The following ANKUB1 variants were observed in gnomAD, a reference collection of about 807,000 sequenced individuals.
The protein encoded by ANKUB1 is protein ANKUB1.
ANKUB1 carries 42 observed loss-of-function variants against 49.3 expected under a neutral mutation model. The ratio of observed to expected loss-of-function variants is 0.85; its 90% confidence interval spans 0.67 to 1.10. The LOEUF (loss-of-function observed/expected upper bound fraction) is 1.10. ANKUB1 is among the 50% of genes least tolerant of loss of function. ANKUB1 has a pLI of 0.00. For synonymous variants in ANKUB1, 222 were observed against 231.0 expected (o/e 0.96, Z 0.35); for missense variants, 613 against 642.0 (o/e 0.95, Z 0.49).
At chr3:149,766,120 T>C (rs544910959) in intron 5 of ANKUB1, among the ~76,000 whole-genome samples, 1 of 152,362 alleles carries the variant, frequency 6.6e-6, no homozygotes, top group South Asian at 2.1e-4. Context: ...TCATAAGTAA[T>C]GGATGGGATC....
In ANKUB1 at chr3:149,761,316, G is replaced by A; in HGVS notation, c.*168C>T. 5.4e-6 allele frequency: 4 copies of A among 742,022 alleles called. No individual in the cohort carries two copies. The highest frequency in any genetic ancestry group is 2.8e-5 in the South Asian group (1 of 35,232). The allele number at this position is 742,022 out of a possible 1,614,324, so 46.0% of individuals were successfully genotyped here. A position where few individuals can be genotyped will look rare whatever the true frequency, so the allele number is the denominator to read the frequency against. On this transcript the variant is annotated 3_prime_UTR_variant, in exon 6 of 6. Coordinates refer to ENST00000446160, the MANE Select transcript of ANKUB1 (RefSeq NM_001144960.3). The stretch of plus-strand genomic sequence containing the variant: ...AAATAGCACTAAAGTTTCACTTAGT[G>A]TGATGAAGTCTGAGAAAACATGGTG...
At chr3:149,791,751 T>C (rs1718368992) in intron 1 of ANKUB1, among the ~76,000 whole-genome samples, 1 of 152,246 alleles carries the variant, frequency 6.6e-6, no homozygotes, top group African/African-American at 2.4e-5. Flanking sequence ...CCCAAGTTAT[T>C]TCTTATTCTG....
intron 3 of ANKUB1, among the ~76,000 whole-genome samples, chr3:149,774,241 G>A (rs1219240073): frequency 6.6e-6 from 1 of 152,044 alleles, no homozygotes; most frequent in Non-Finnish European, 1.5e-5. Flanking sequence ...TCAGAGCCTC[G>A]ATGTCAACAT....
At chr3:149,765,474 C>T (rs1366816318) in intron 5 of ANKUB1, among the ~76,000 whole-genome samples, 1 of 151,978 alleles carries the variant, frequency 6.6e-6, no homozygotes, top group Non-Finnish European at 1.5e-5. Context: ...TAACTCATTT[C>T]CTCCCCAAGA....
chr3:149,775,464 GT>G (rs1247686706), intron 3 of ANKUB1, among the ~76,000 whole-genome samples: 1 of 152,038 alleles, frequency 6.6e-6, no homozygotes, highest in African/African-American at 2.4e-5. Context: ...CTGAACTTCA[GT>G]TTTCTCATCA....
chr3:149,781,963 A>G (rs1488333327), intron 2 of ANKUB1, among the ~76,000 whole-genome samples: 1 of 152,038 alleles, frequency 6.6e-6, no homozygotes, highest in Non-Finnish European at 1.5e-5. Flanking sequence ...CATAGGATTG[A>G]CTCTTTCACT....
At chr3:149,765,115 G>A (rs1377308683) in intron 5 of ANKUB1, among the ~76,000 whole-genome samples, 2 of 152,120 alleles carry the variant, frequency 1.3e-5, no homozygotes, top group African/African-American at 4.8e-5. Flanking sequence ...ATGGAATACT[G>A]CATACAAATG....
At chr3:149,775,342 C>G (rs1453916623) in intron 3 of ANKUB1, among the ~76,000 whole-genome samples, 1 of 152,222 alleles carries the variant, frequency 6.6e-6, no homozygotes, top group South Asian at 2.1e-4. Flanking sequence ...ACTTAAAGGC[C>G]ATCAATAAAA....
intron 3 of ANKUB1, among the ~76,000 whole-genome samples, chr3:149,774,390 A>G (rs1462233441): frequency 2.0e-5 from 3 of 152,186 alleles, no homozygotes; most frequent in African/African-American, 7.2e-5. Flanking sequence ...ACCGACTGAC[A>G]GCTGCAGACT....
chr3:149,767,199 T>G lies in ANKUB1; in HGVS notation c.1463A>C (p.Lys488Thr). Residue 488 changes from lysine to threonine, a missense_variant, in exon 5 of 6, where the codon AAG becomes ACG. Coordinates refer to ENST00000446160, the MANE Select transcript of ANKUB1 (RefSeq NM_001144960.3). ...GTAGATTGCGTTCTCCCATGGAGTC[T>G]TCCCACTGTGCTCTAAGAAAGATGA... Reference protein sequence around the residue: ...SFSSFLEHSGKTPWENAIYCL... With the variant: ...SFSSFLEHSGTTPWENAIYCL... 2 of 1,547,810 alleles carry G rather than the reference T, an allele frequency of 1.3e-6. No homozygotes were observed. Among genetic ancestry groups the G allele is most frequent in the Non-Finnish European group, 1.7e-6 (2 of 1,145,894 alleles).
At chr3:149,764,968 A>G (rs1051432897) in intron 5 of ANKUB1, among the ~76,000 whole-genome samples, 1 of 152,210 alleles carries the variant, frequency 6.6e-6, no homozygotes, top group African/African-American at 2.4e-5. Context: ...TCCTTGGTAT[A>G]GAGTCAAGAG....
Position 149,761,525 on chromosome 3 carries a change from C to T in ANKUB1, c.1594G>A (p.Gly532Ser). The T allele has an allele frequency of 6.4e-7, 1 of 1,551,432 alleles. No homozygotes were observed. The highest frequency in any genetic ancestry group is 1.2e-5 in the South Asian group (1 of 84,048). The change falls in exon 6 of 6, where the codon GGT becomes AGT. Residue 532 changes from glycine to serine, a missense_variant. Transcript: ENST00000446160. Reference protein sequence around the residue: ...KSISNLTTRGGLTACENSLET... With the variant: ...KSISNLTTRGSLTACENSLET... ...AGAGAGTTTTCACACGCTGTCAGAC[C>T]TCCTCGGGTAGTCAAGTTAGAAATG...
chr3:149,767,729 C>T lies in ANKUB1; in HGVS notation c.933G>A (p.Arg311=). 1.3e-6 allele frequency: 2 copies of T among 1,551,574 alleles called. No individual in the cohort carries two copies. The highest frequency in any genetic ancestry group is 4.9e-5 in the East Asian group (2 of 40,914). ...VSFPKISVPM[R]IYIKIKQWIL... is the part of the protein sequence containing the mutation. ...TCCATTGTTTTATTTTAATATAAATCCTCATTGGGACTGAAATTTTTGGAA... is the reference window on the plus strand; with the variant it reads ...TCCATTGTTTTATTTTAATATAAATTCTCATTGGGACTGAAATTTTTGGAA... Residue 311 remains arginine, a synonymous_variant, in exon 5 of 6, where the codon AGG becomes AGA. Transcript: ENST00000446160.
intron 5 of ANKUB1, chr3:149,766,500 AAAG>A (rs1717019809): frequency 4.8e-6 from 1 of 207,144 alleles, no homozygotes; most frequent in Non-Finnish European, 1.0e-5. Context: ...AGAGGAGGAA[AAAG>A]AAGAAGCATT....
chr3:149,786,019 G>A (rs1718083442), intron 2 of ANKUB1, among the ~76,000 whole-genome samples: 1 of 147,654 alleles, frequency 6.8e-6, no homozygotes, highest in Non-Finnish European at 1.5e-5. Context: ...CAGTGATGAT[G>A]AGCTTTTATT....
chr3:149,785,529 C>T (rs971075990), intron 2 of ANKUB1, among the ~76,000 whole-genome samples: 1 of 151,994 alleles, frequency 6.6e-6, no homozygotes, highest in East Asian at 1.9e-4. Context: ...TCTATCCTTG[C>T]CATAGTTTGC....
intron 2 of ANKUB1, among the ~76,000 whole-genome samples, chr3:149,788,371 C>A (rs1718206852): frequency 6.6e-6 from 1 of 151,672 alleles, no homozygotes; most frequent in Non-Finnish European, 1.5e-5. Context: ...TGCCCTGGCT[C>A]TCTTGAATAA....
chr3:149,778,221 G>C (rs1306382957), intron 3 of ANKUB1: 1 of 152,304 alleles, frequency 6.6e-6, no homozygotes, highest in African/African-American at 2.4e-5. Flanking sequence ...CCTCTCCTCT[G>C]ATGCTCTGTG....
chr3:149,773,766 C>T (rs1044534818), intron 3 of ANKUB1, among the ~76,000 whole-genome samples: 6 of 152,104 alleles, frequency 3.9e-5, no homozygotes, highest in Admixed American at 6.6e-5. Flanking sequence ...GGCCCCATAC[C>T]GCAGCCTCCT....
Sources: allele counts gnomAD v4.1 joint callset (sites outside exome capture counted in the v4.1 genomes callset), GRCh38; gene constraint gnomAD v4.1.1; transcripts MANE v1.5; gene names NCBI Gene and HGNC (gene_info 2026-07-23, HGNC 2026-07-21).